ARNT2: variants seen among roughly 807,000 people sequenced by gnomAD.
ARNT2 encodes the protein aryl hydrocarbon receptor nuclear translocator 2.
A neutral mutation model predicts 91.7 loss-of-function variants in ARNT2; 36 were observed. The ratio of observed to expected loss-of-function variants is 0.39; its 90% CI spans 0.30 to 0.52. The LOEUF is 0.52. ARNT2 is among the 20% of genes least tolerant of loss of function. The probability of loss-of-function intolerance (pLI) is 0.72; values close to 1 mark genes in which losing one functional copy is unlikely to be tolerated. For missense variants in ARNT2, 775 were observed against 939.3 expected (o/e 0.83, Z 2.29); for synonymous variants, 365 against 347.1 (o/e 1.05, Z -0.57).
chr15:80,581,566 G>A (rs774664558), intron 17 of ARNT2, among the ~76,000 whole-genome samples, 162 bp downstream of exon 17: 1 of 152,202 alleles, frequency 6.6e-6, no homozygotes, highest in Non-Finnish European at 1.5e-5. Context: ...GGCCTATGGT[G>A]TTCCTAAGAG....
intron 1 of ARNT2, among the ~76,000 whole-genome samples, chr15:80,437,431 G>T (rs747621184): frequency 1.1e-4 from 17 of 152,074 alleles, no homozygotes; most frequent in Non-Finnish European, 1.9e-4. Context: ...GAGTATTTCA[G>T]ATATTTTACC....
intron 5 of ARNT2, among the ~76,000 whole-genome samples, chr15:80,482,322 A>T (rs1158554351): frequency 6.6e-6 from 1 of 152,170 alleles, no homozygotes; most frequent in African/African-American, 2.4e-5. Context: ...GGATTGGGGA[A>T]GGGAGCTGGG....
intron 1 of ARNT2, among the ~76,000 whole-genome samples, chr15:80,430,580 C>T (rs1450936946): frequency 2.0e-5 from 3 of 152,188 alleles, no homozygotes; most frequent in Non-Finnish European, 4.4e-5. Context: ...ACGGGAGCTG[C>T]AAATAGCCTC....
intron 10 of ARNT2, among the ~76,000 whole-genome samples, chr15:80,553,653 T>C (rs1380372745): frequency 6.6e-6 from 1 of 152,208 alleles, no homozygotes; most frequent in Admixed American, 6.5e-5. Flanking sequence ...TGATAATTAT[T>C]GAATATACAT....
intron 1 of ARNT2, among the ~76,000 whole-genome samples, chr15:80,448,211 G>A (rs6495501): frequency 0.59 from 90,357 of 152,098 alleles, 27,011 homozygotes; most frequent in East Asian, 0.76. Context: ...ATAGCTGGGA[G>A]GTGTTTGAGT....
chr15:80,461,749 G>A (rs1053089775), intron 3 of ARNT2, among the ~76,000 whole-genome samples: 2 of 152,042 alleles, frequency 1.3e-5, no homozygotes, highest in African/African-American at 2.4e-5. Flanking sequence ...CGGATGGCAC[G>A]AGTTTCAGAG....
chr15:80,442,961 A>T (rs574499682), intron 1 of ARNT2: 289 of 985,234 alleles, frequency 2.9e-4, no homozygotes, highest in Middle Eastern at 1.0e-3. Flanking sequence ...CGGCTCCATC[A>T]TTCAGGCCTT....
chr15:80,553,802 A>G (rs939127736), intron 10 of ARNT2, among the ~76,000 whole-genome samples: 3 of 152,228 alleles, frequency 2.0e-5, no homozygotes, highest in Admixed American at 6.5e-5. Context: ...GAGTATTTTA[A>G]TGATGTGTAT....
At chr15:80,588,786 T>C (rs929333062) in intron 17 of ARNT2, among the ~76,000 whole-genome samples, 1 of 152,208 alleles carries the variant, frequency 6.6e-6, no homozygotes, top group African/African-American at 2.4e-5. Flanking sequence ...CTTTTCTACT[T>C]GTCATGGCTA....
At position 80,552,729 on chromosome 15, in the gene ARNT2, A is replaced by G. The variant is rs764786472; in HGVS notation, c.1044A>G (p.Thr348=). 1.7e-5 allele frequency: 27 copies of G among 1,614,146 alleles called. No homozygotes were observed. The highest frequency in any genetic ancestry group is 2.2e-5 in the East Asian group (1 of 44,888). The change falls in exon 10 of 19, where the codon ACA becomes ACG. Residue 348 remains threonine (T), a synonymous_variant. Coordinates refer to ENST00000303329, the MANE Select transcript of ARNT2 (RefSeq NM_014862.4). ...LSRHNSDGII[T]FVDPRCISVI... ...GGCATAACTCCGATGGAATCATCAC[A>G]TTTGTGGATCCAAGATGTATCAGTG...
chr15:80,551,310 T>C (rs1363982818), intron 9 of ARNT2, 35 bp downstream of exon 9: 2 of 1,573,516 alleles, frequency 1.3e-6, no homozygotes, highest in Non-Finnish European at 1.7e-6. Flanking sequence ...TAATCTTAAA[T>C]GAAGGCTTAT....
chr15:80,551,534 T>C (rs541106197), intron 9 of ARNT2, among the ~76,000 whole-genome samples: 2 of 152,318 alleles, frequency 1.3e-5, no homozygotes, highest in Non-Finnish European at 2.9e-5. Flanking sequence ...AAACTTGCGT[T>C]CTGCTCACAT....
intron 8 of ARNT2, among the ~76,000 whole-genome samples, chr15:80,547,617 C>CA (rs35789161): frequency 2.0e-5 from 3 of 151,850 alleles, no homozygotes; most frequent in East Asian, 1.9e-4. Flanking sequence ...GATATTTTCT[C>CA]AAAAAAAATT....
intron 1 of ARNT2, among the ~76,000 whole-genome samples, chr15:80,428,901 G>T (rs1895970056): frequency 2.6e-5 from 4 of 152,148 alleles, no homozygotes; most frequent in African/African-American, 9.7e-5. Flanking sequence ...CATGCTTCCT[G>T]CCAGCAAGTA....
intron 1 of ARNT2, among the ~76,000 whole-genome samples, chr15:80,439,584 A>G (rs1896154917): frequency 6.6e-6 from 1 of 152,228 alleles, no homozygotes; most frequent in South Asian, 2.1e-4. Context: ...AAGGTTAAGT[A>G]ATTTTTATCT....
At chr15:80,459,856 A>T (rs1195201224) in intron 3 of ARNT2, among the ~76,000 whole-genome samples, 2 of 152,216 alleles carry the variant, frequency 1.3e-5, no homozygotes, top group Admixed American at 6.5e-5. Flanking sequence ...GTAGGACCGC[A>T]GAGGCCCAGA....
intron 8 of ARNT2, among the ~76,000 whole-genome samples, chr15:80,530,731 A>C (rs1273832261): frequency 2.0e-5 from 3 of 152,188 alleles, no homozygotes; most frequent in Non-Finnish European, 4.4e-5. Context: ...TTTGCCTTGC[A>C]AAGTGGGGGA....
At chr15:80,578,353 C>A (rs1245204182) in intron 15 of ARNT2, among the ~76,000 whole-genome samples, 1 of 151,964 alleles carries the variant, frequency 6.6e-6, no homozygotes, top group Non-Finnish European at 1.5e-5. Context: ...CTGAGTGAAG[C>A]CTTGGAGGAG....
intron 3 of ARNT2, among the ~76,000 whole-genome samples, chr15:80,459,761 C>T (rs1421347458): frequency 1.3e-5 from 2 of 152,234 alleles, no homozygotes. Flanking sequence ...ACCCAGGCAT[C>T]TGTGAACCAT....
Sources: gnomAD v4.1 joint callset for allele counts (sites outside exome capture counted in the v4.1 genomes callset) on GRCh38, gnomAD v4.1.1 for gene constraint, MANE v1.5 for transcripts, NCBI Gene and HGNC (gene_info 2026-07-23, HGNC 2026-07-21) for gene names.